ACTR3C: variants seen among roughly 807,000 people sequenced by gnomAD.
The protein encoded by ACTR3C is actin-related protein 3C.
ACTR3C carries 18 observed loss-of-function variants against 26.3 expected under a neutral mutation model. The observed-to-expected ratio is 0.68, with a 90% confidence interval of 0.47 to 1.01. The LOEUF (loss-of-function observed/expected upper bound fraction) is 1.01. Ranked by LOEUF, ACTR3C falls within the 50% of genes least tolerant of loss-of-function variation. The pLI is 0.00. For synonymous variants in ACTR3C, 55 were observed against 94.5 expected (o/e 0.58, Z 2.42); for missense variants, 184 against 250.7 (o/e 0.73, Z 1.80).
chr7:150,015,519 T>C, the ACTR3C span, among the ~76,000 whole-genome samples: 2 of 152,114 alleles, frequency 1.3e-5, no homozygotes, highest in Non-Finnish European at 2.9e-5. Context: ...TATAACAAAC[T>C]AGAACTGCAG....
the ACTR3C span, among the ~76,000 whole-genome samples, chr7:149,910,074 C>T: frequency 4.0e-5 from 6 of 149,684 alleles, no homozygotes; most frequent in African/African-American, 1.5e-4. Flanking sequence ...AAGGGAGGCA[C>T]TGAGAAGTTG....
chr7:150,129,829 C>T, the ACTR3C span, among the ~76,000 whole-genome samples: 98 of 152,176 alleles, frequency 6.4e-4, no homozygotes, highest in African/African-American at 2.4e-3. Flanking sequence ...AATCATCAAA[C>T]TTATTCTAAA....
At chr7:149,918,517 C>G in the ACTR3C span, among the ~76,000 whole-genome samples, 5 of 152,182 alleles carry the variant, frequency 3.3e-5, no homozygotes. Flanking sequence ...AGGGAGAAAC[C>G]CCATCTCTAC....
chr7:150,140,016 GCACACACACGTA>G, the ACTR3C span, among the ~76,000 whole-genome samples: 2 of 150,186 alleles, frequency 1.3e-5, no homozygotes, highest in Non-Finnish European at 2.9e-5. Context: ...ACACACACAT[GCACACACACGTA>G]CACACATACA....
chr7:150,032,717 C>T, the ACTR3C span, among the ~76,000 whole-genome samples: 3 of 151,850 alleles, frequency 2.0e-5, no homozygotes, highest in Non-Finnish European at 4.4e-5. Context: ...AGAGTGAAGT[C>T]CCACAGCCTC....
chr7:150,040,065 C>CCA, the ACTR3C span, among the ~76,000 whole-genome samples: 1 of 138,920 alleles, frequency 7.2e-6, no homozygotes, highest in African/African-American at 3.0e-5. Context: ...GGGGTGCCTC[C>CCA]CCCCACTGCG....
At chr7:150,307,534 AC>A (rs1250395083) in intron 1 of ACTR3C, among the ~76,000 whole-genome samples, 1 of 151,902 alleles carries the variant, frequency 6.6e-6, no homozygotes, top group Non-Finnish European at 1.5e-5. Context: ...ATAAATAACC[AC>A]CTTTTACTGT....
the ACTR3C span, among the ~76,000 whole-genome samples, chr7:150,072,911 C>T: frequency 6.6e-6 from 1 of 151,918 alleles, no homozygotes; most frequent in East Asian, 1.9e-4. Context: ...AAACCACCTG[C>T]CCAGATGAGC....
chr7:150,271,845 G>GA (rs1471017186), intron 6 of ACTR3C, among the ~76,000 whole-genome samples: 1 of 148,556 alleles, frequency 6.7e-6, no homozygotes. Context: ...TACAGTAACT[G>GA]AAACCAAGGA....
intron 6 of ACTR3C, among the ~76,000 whole-genome samples, chr7:150,254,820 C>A (rs1174279632): frequency 6.6e-6 from 1 of 152,170 alleles, no homozygotes; most frequent in African/African-American, 2.4e-5. Flanking sequence ...TTCGGTGCAG[C>A]AAGCAACAGG....
At chr7:150,286,760 C>T (rs1464506143) in intron 4 of ACTR3C, among the ~76,000 whole-genome samples, 1 of 151,388 alleles carries the variant, frequency 6.6e-6, no homozygotes, top group Non-Finnish European at 1.5e-5. Flanking sequence ...GCTTTCTCTG[C>T]AACTCAGCTA....
In ACTR3C at chr7:150,323,000, C is replaced by A. The variant is rs564366436; in HGVS notation, c.-52+469G>T. 7.8e-5 allele frequency: 12 copies of A among 153,048 alleles called. No homozygotes were observed. The South Asian group carries it at 1.8e-3, about 22-fold the overall frequency. 9.5% of individuals were successfully genotyped at this position (153,048 alleles called of 1,614,324 possible). A position where few individuals can be genotyped will look rare whatever the true frequency, so the allele number is the denominator to read the frequency against. The stretch of plus-strand genomic sequence containing the variant: ...ACGCACAGCGCCGGCGTGCAGGGGG[C>A]CTTGGGTGCCACCGAGTCCGGGAGG... On this transcript the variant is annotated intron_variant, in intron 1 of 7. Transcript: ENST00000683684.
chr7:149,891,347 T>G, the ACTR3C span: 2 of 884,764 alleles, frequency 2.3e-6, 1 homozygote, highest in Non-Finnish European at 3.5e-6. Context: ...TTCGCAACAA[T>G]AAGAGCAACA....
chr7:150,294,497 AG>A (rs1219267578), intron 2 of ACTR3C, among the ~76,000 whole-genome samples: 1 of 152,234 alleles, frequency 6.6e-6, no homozygotes, highest in Non-Finnish European at 1.5e-5. Context: ...TAACTTAGCC[AG>A]GGGGAAGATC....
chr7:150,290,329 A>C (rs1400226038), intron 3 of ACTR3C, among the ~76,000 whole-genome samples: 1 of 152,236 alleles, frequency 6.6e-6, no homozygotes, highest in African/African-American at 2.4e-5. Flanking sequence ...CCACATGCCC[A>C]CAGCAATGAT....
chr7:150,121,604 C>T, the ACTR3C span, among the ~76,000 whole-genome samples: 1 of 149,602 alleles, frequency 6.7e-6, no homozygotes, highest in Non-Finnish European at 1.5e-5. Flanking sequence ...AATGGAAAAA[C>T]ATTCCATAGT....
chr7:149,893,904 G>A, the ACTR3C span, among the ~76,000 whole-genome samples: 1 of 152,072 alleles, frequency 6.6e-6, no homozygotes, highest in African/African-American at 2.4e-5. Flanking sequence ...AAATACCAAT[G>A]GCATCCTTCA....
the ACTR3C span, among the ~76,000 whole-genome samples, chr7:150,005,853 G>A: frequency 6.6e-6 from 1 of 152,148 alleles, no homozygotes; most frequent in Non-Finnish European, 1.5e-5. Context: ...CTACAAGGAG[G>A]GCTGATAGAA....
chr7:150,098,163 C>T, the ACTR3C span, among the ~76,000 whole-genome samples: 1 of 151,582 alleles, frequency 6.6e-6, no homozygotes, highest in East Asian at 1.9e-4. Context: ...CCTACTATAG[C>T]CTAGGTATTG....
Sources: allele counts gnomAD v4.1 joint callset (sites outside exome capture counted in the v4.1 genomes callset), GRCh38; gene constraint gnomAD v4.1.1; transcripts MANE v1.5; gene names NCBI Gene and HGNC (gene_info 2026-07-23, HGNC 2026-07-21).